The following MSH3 variants were observed in gnomAD, a reference collection of about 807,000 sequenced individuals.
MSH3 encodes mutS homolog 3.
In MSH3, 106 loss-of-function variants were observed where a neutral mutation model predicts 123.3. That is an observed-to-expected ratio of 0.86 (90% CI 0.73 to 1.01). MSH3 has a LOEUF of 1.01. Ranked by LOEUF, MSH3 falls within the 50% of genes least tolerant of loss-of-function variation. The pLI is 0.00. For synonymous variants in MSH3, 515 were observed against 481.4 expected (o/e 1.07, Z -0.91); for missense variants, 1,459 against 1,347.6 (o/e 1.08, Z -1.29).
chr5:80,676,133 C>G (rs901149077), intron 7 of MSH3, among the ~76,000 whole-genome samples: 3 of 152,258 alleles, frequency 2.0e-5, no homozygotes, highest in Non-Finnish European at 4.4e-5. Flanking sequence ...TAGGTTCAAG[C>G]AATTCTCCTG....
At chr5:80,711,129 A>G (rs770315941) in intron 8 of MSH3, among the ~76,000 whole-genome samples, 14 of 152,266 alleles carry the variant, frequency 9.2e-5, no homozygotes, top group African/African-American at 7.2e-5. Flanking sequence ...GAGTTTACCT[A>G]GTATAGACTT....
At chr5:80,729,460 G>GTGTGTGTGTGTGTGTGTGTGTA (rs1277559108) in intron 10 of MSH3, among the ~76,000 whole-genome samples, 1 of 95,030 alleles carries the variant, frequency 1.1e-5, no homozygotes, top group Non-Finnish European at 2.0e-5. Flanking sequence ...GTGTGTGTGT[G>GTGTGTGTGTGTGTGTGTGTGTA]TATATATATA....
chr5:80,672,452 A>G lies in MSH3; in HGVS notation c.909+92A>G, dbSNP rs1677653. 232,870 of 935,958 alleles carry G rather than the reference A, an allele frequency of 0.25. 31,141 individuals are homozygous for G. Among genetic ancestry groups the G allele is most frequent in the Middle Eastern group, 0.41 (1,952 of 4,740 alleles). 58.0% of individuals were successfully genotyped at this position (935,958 alleles called of 1,614,324 possible). ...TTTGTAAGGTGGTAGGTAGGCTTCA[A>G]TTGGTTTAGAATTTTGCATTTTACA... On this transcript the variant is annotated intron_variant, in intron 5 of 23. Transcript: ENST00000265081.
intron 15 of MSH3, among the ~76,000 whole-genome samples, chr5:80,773,493 T>A (rs1205968733): frequency 6.6e-6 from 1 of 152,166 alleles, no homozygotes; most frequent in Non-Finnish European, 1.5e-5. Context: ...AATGATGAAA[T>A]TTTTTAGATT....
In MSH3 at chr5:80,817,506, C is replaced by T. The variant is rs542832673; in HGVS notation, c.2813+3765C>T. Among the ~76,000 whole-genome samples the T allele has an allele frequency of 1.2e-4, 19 of 152,094 alleles. No individual in the cohort carries two copies. In the South Asian group the frequency reaches 2.5e-3, roughly 20 times the overall value. On this transcript the variant is annotated intron_variant, in intron 20 of 23. Transcript: ENST00000265081. ...TTTGTTTTTAAATGGTAGACTTGAA[C>T]GTACTTCAATGGGATATCCAGTGGG... is the stretch of plus-strand genomic sequence containing the variant.
At chr5:80,742,903 CAG>C (rs142348959) in intron 11 of MSH3, among the ~76,000 whole-genome samples, 1,580 of 152,292 alleles carry the variant, frequency 0.01, 32 homozygotes, top group African/African-American at 0.036. Context: ...CCTACTACAA[CAG>C]AGTCAGTTCT....
At chr5:80,756,656 C>T (rs572868157) in intron 12 of MSH3, among the ~76,000 whole-genome samples, 1 of 152,160 alleles carries the variant, frequency 6.6e-6, no homozygotes, top group Non-Finnish European at 1.5e-5. Context: ...AATCTTATTA[C>T]ATTGTTATCA....
intron 8 of MSH3, among the ~76,000 whole-genome samples, chr5:80,714,523 A>G (rs776753455): frequency 9.9e-5 from 15 of 152,108 alleles, no homozygotes; most frequent in Non-Finnish European, 2.2e-4. Context: ...GAGATAGGAG[A>G]TTTTATAACT....
At chr5:80,834,932 A>T (rs1265792808) in intron 20 of MSH3, among the ~76,000 whole-genome samples, 1 of 152,200 alleles carries the variant, frequency 6.6e-6, no homozygotes, top group East Asian at 1.9e-4. Flanking sequence ...TCTGCCACAG[A>T]TTAGCCCTGT....
chr5:80,787,327 A>G (rs1472406185), intron 17 of MSH3, among the ~76,000 whole-genome samples: 3 of 152,214 alleles, frequency 2.0e-5, no homozygotes, highest in African/African-American at 4.8e-5. Flanking sequence ...TTAATGGTTG[A>G]TATCTTTACA....
intron 12 of MSH3, among the ~76,000 whole-genome samples, chr5:80,748,695 CA>C (rs1320387800): frequency 9.9e-4 from 2 of 2,022 alleles, no homozygotes; most frequent in Non-Finnish European, 1.6e-3. Context: ...TTTATTTACA[CA>C]CACACACACA....
intron 8 of MSH3, among the ~76,000 whole-genome samples, chr5:80,721,471 T>C (rs1231188078): frequency 2.0e-5 from 3 of 152,228 alleles, no homozygotes; most frequent in African/African-American, 7.2e-5. Context: ...CTCCTCAAAA[T>C]GTCCTACTGT....
chr5:80,755,197 T>C (rs1279644824), intron 12 of MSH3, among the ~76,000 whole-genome samples: 3 of 151,014 alleles, frequency 2.0e-5, no homozygotes, highest in African/African-American at 7.4e-5. Context: ...CTGCTGCTGC[T>C]AAGAACAAAA....
chr5:80,713,072 TACTGTCC>T lies in MSH3; in HGVS notation c.1341-12378_1341-12372del, dbSNP rs1299270995. On this transcript the variant is annotated intron_variant, in intron 8 of 23. Coordinates refer to ENST00000265081, the MANE Select transcript of MSH3 (RefSeq NM_002439.5). ...GGGCCTTGTAAGTTTTCCCAGAGGA[TACTGTCC>T]ACCTTTAACAAGGCTCTTTTTGTCT... 2.0e-5 allele frequency among the ~76,000 whole-genome samples: 3 copies of T among 152,306 alleles called. No homozygotes were observed. The East Asian group carries it at 5.8e-4, about 29-fold the overall frequency.
intron 12 of MSH3, among the ~76,000 whole-genome samples, chr5:80,753,798 A>G (rs1414237058): frequency 1.3e-5 from 2 of 152,132 alleles, no homozygotes; most frequent in East Asian, 1.9e-4. Context: ...TTAAACGTGT[A>G]GCTTCCAACG....
Position 80,794,412 on chromosome 5 carries a change from GT to G in MSH3, c.2655+1573del, listed in dbSNP as rs544604204. On this transcript the variant is annotated intron_variant, in intron 19 of 23. Coordinates refer to ENST00000265081, the MANE Select transcript of MSH3 (RefSeq NM_002439.5). The stretch of plus-strand genomic sequence containing the variant: ...AATCATTTTTACTCAAAGTCTCTAG[GT>G]TTTTATAGGTCAAAGTTGAGAACTA... Among the ~76,000 whole-genome samples the G allele has an allele frequency of 5.6e-3, 856 of 152,234 alleles. 7 individuals are homozygous for G. Among genetic ancestry groups the G allele is most frequent in the Non-Finnish European group, 9.8e-3 (664 of 68,026 alleles).
rs144360301 is a variant in MSH3, at chr5:80,867,265, C to T, written c.3130+2323C>T. Among the ~76,000 whole-genome samples, 615 of 152,332 alleles carry T rather than the reference C, an allele frequency of 4.0e-3. 1 individual carries two copies. Among genetic ancestry groups the T allele is most frequent in the Non-Finnish European group, 6.2e-3 (424 of 68,022 alleles). Reference sequence around the variant, plus strand: ...TTTTGTAATTCCCAGGCTCTGTCTTCCTGCCTGGCCAGCTTTATTATCAGG... The same window carrying T: ...TTTTGTAATTCCCAGGCTCTGTCTTTCTGCCTGGCCAGCTTTATTATCAGG... On this transcript the variant is annotated intron_variant, in intron 22 of 23. Transcript: ENST00000265081.
At chr5:80,848,563 A>C (rs1308022118) in intron 20 of MSH3, among the ~76,000 whole-genome samples, 2 of 152,238 alleles carry the variant, frequency 1.3e-5, no homozygotes, top group African/African-American at 4.8e-5. Flanking sequence ...CCTCACAATC[A>C]TGGCAGAAGG....
chr5:80,768,484 C>G (rs1329154339), intron 14 of MSH3, among the ~76,000 whole-genome samples: 2 of 152,094 alleles, frequency 1.3e-5, no homozygotes, highest in Non-Finnish European at 2.9e-5. Context: ...TCTGTAAAAG[C>G]AAAGTTATCC....
Sources: allele counts gnomAD v4.1 joint callset (sites outside exome capture counted in the v4.1 genomes callset), GRCh38; gene constraint gnomAD v4.1.1; transcripts MANE v1.5; gene names NCBI Gene and HGNC (gene_info 2026-07-23, HGNC 2026-07-21).